Variants in KAZN observed in about 807,000 individuals in gnomAD.
The protein encoded by KAZN is kazrin.
KAZN carries 40 observed loss-of-function variants against 87.4 expected under a neutral mutation model. That is an observed-to-expected ratio of 0.46 (90% CI 0.36 to 0.60). The LOEUF (loss-of-function observed/expected upper bound fraction) is 0.60. Among genes scored for constraint, KAZN ranks in the 20% least tolerant of loss-of-function variants. The pLI is 0.00. For synonymous variants in KAZN, 466 were observed against 458.3 expected (o/e 1.02, Z -0.22); for missense variants, 898 against 1,073.9 (o/e 0.84, Z 2.29).
chr1:14,963,816 T>C lies in KAZN; in HGVS notation c.418+2941T>C, dbSNP rs187693275. 1.2e-4 allele frequency among the ~76,000 whole-genome samples: 17 copies of C among 147,706 alleles called. No individual in the cohort carries two copies. In the East Asian group the frequency reaches 3.3e-3, roughly 29 times the overall value. On this transcript the variant is annotated intron_variant, in intron 2 of 14. Transcript: ENST00000376030. ...GCCCAACAGGCCCCAGTGTGTGATGTTCCCCCTCCCTGCGTCTACATGTTC... is the reference window on the plus strand; with the variant it reads ...GCCCAACAGGCCCCAGTGTGTGATGCTCCCCCTCCCTGCGTCTACATGTTC...
chr1:15,094,273 G>C lies in KAZN; in HGVS notation c.1316G>C (p.Arg439Thr), dbSNP rs1258290308. Residue 439 changes from arginine to threonine, a missense_variant, in exon 9 of 15, where the codon AGG becomes ACG. Transcript: ENST00000376030. This position sits in a 1 kb window ranked among gnomAD's most constrained non-coding sequence, Gnocchi z 4.5. ...CGGCTGCAGCAGGTGGAGCTGGTGA[G>C]GACCACCCCTATGTCCCACTGGAAG... is the stretch of plus-strand genomic sequence containing the variant. ...MDRLQQVELVRTTPMSHWKAG... is the reference protein window; with the variant it reads ...MDRLQQVELVTTTPMSHWKAG... The C allele has an allele frequency of 6.2e-7, 1 of 1,613,876 alleles. No individual in the cohort carries two copies. The highest frequency in any genetic ancestry group is 1.3e-5 in the African/African-American group (1 of 74,946).
chr1:14,491,985 A>G (rs1485960156), intron 2 of KAZN, among the ~76,000 whole-genome samples: 1 of 152,178 alleles, frequency 6.6e-6, no homozygotes, highest in African/African-American at 2.4e-5. Context: ...ACATTTAACA[A>G]TTATCAGCCC....
chr1:14,433,485 G>A (rs571916774), intron 2 of KAZN, among the ~76,000 whole-genome samples: 1 of 152,286 alleles, frequency 6.6e-6, no homozygotes, highest in South Asian at 2.1e-4. Flanking sequence ...GGTATTAGGA[G>A]ATGGGGTTTT....
intron 1 of KAZN, among the ~76,000 whole-genome samples, chr1:14,063,841 C>T (rs966163015): frequency 1.3e-5 from 2 of 152,168 alleles, no homozygotes; most frequent in African/African-American, 4.8e-5. Context: ...AGTTCCGCGG[C>T]ATAGGCTCTC....
chr1:14,170,431 A>C (rs1455389235), intron 1 of KAZN, among the ~76,000 whole-genome samples: 2 of 152,188 alleles, frequency 1.3e-5, no homozygotes, highest in African/African-American at 4.8e-5. Flanking sequence ...GACAAATCCC[A>C]GTGGTAGGGT....
intron 1 of KAZN, among the ~76,000 whole-genome samples, chr1:14,758,161 C>CCT (rs1557459253): frequency 9.5e-6 from 1 of 104,910 alleles, no homozygotes. Context: ...CTTCCTCCCT[C>CCT]CCTCCCTCCA....
intron 2 of KAZN, among the ~76,000 whole-genome samples, chr1:14,513,470 G>A (rs539574908): frequency 3.3e-5 from 5 of 152,224 alleles, no homozygotes; most frequent in African/African-American, 1.2e-4. Context: ...TTATGTGTAC[G>A]AGTGTTTCTG....
intron 2 of KAZN, among the ~76,000 whole-genome samples, chr1:14,393,388 A>C (rs1257442093): frequency 6.6e-6 from 1 of 152,240 alleles, no homozygotes; most frequent in African/African-American, 2.4e-5. Context: ...GAATAAAAGC[A>C]TAAAATAAAA....
intron 2 of KAZN, among the ~76,000 whole-genome samples, chr1:14,300,063 G>C (rs141786737): frequency 6.6e-6 from 1 of 152,196 alleles, no homozygotes; most frequent in Non-Finnish European, 1.5e-5. Flanking sequence ...ACTTGGAAGA[G>C]AGTCTCACAA....
At chr1:15,075,664 C>A (rs58065494) in intron 8 of KAZN, among the ~76,000 whole-genome samples, 5,960 of 152,182 alleles carry the variant, frequency 0.039, 273 homozygotes, top group African/African-American at 0.11. Flanking sequence ...TGACAGACAC[C>A]AGGTCAGGTG....
At chr1:13,972,276 CTTTT>C (rs546200121) in intron 1 of KAZN, among the ~76,000 whole-genome samples, 2 of 141,192 alleles carry the variant, frequency 1.4e-5, no homozygotes, top group Non-Finnish European at 3.1e-5. Context: ...TTTTTCTTTT[CTTTT>C]TTTTTTTTTT....
intron 1 of KAZN, among the ~76,000 whole-genome samples, chr1:13,941,789 A>G (rs1384713138): frequency 6.6e-6 from 1 of 152,036 alleles, no homozygotes; most frequent in Non-Finnish European, 1.5e-5. Context: ...CAACAACAAA[A>G]CTCATGTGTG....
At chr1:14,556,091 G>T (rs989521377) in intron 2 of KAZN, among the ~76,000 whole-genome samples, 1 of 151,502 alleles carries the variant, frequency 6.6e-6, no homozygotes, top group Non-Finnish European at 1.5e-5. Context: ...GGCTCTTTTC[G>T]GGAGAAGAGC....
At chr1:14,878,997 T>C (rs1477022742) in intron 1 of KAZN, among the ~76,000 whole-genome samples, 2 of 152,240 alleles carry the variant, frequency 1.3e-5, no homozygotes, top group East Asian at 1.9e-4. Flanking sequence ...AAGGTAATCT[T>C]CTTGCGGATC....
chr1:15,064,825 C>T (rs1160047930), intron 7 of KAZN, among the ~76,000 whole-genome samples: 1 of 152,232 alleles, frequency 6.6e-6, no homozygotes, highest in Non-Finnish European at 1.5e-5. Context: ...GGCCACCCTT[C>T]CTCCCTGTGG....
At chr1:15,088,955 A>G (rs1022622006) in intron 8 of KAZN, among the ~76,000 whole-genome samples, 1 of 152,024 alleles carries the variant, frequency 6.6e-6, no homozygotes, top group South Asian at 2.1e-4. Flanking sequence ...CACTACAGAA[A>G]ATAAATAACC....
chr1:14,928,115 C>T (rs1659368979), intron 1 of KAZN, among the ~76,000 whole-genome samples: 1 of 152,208 alleles, frequency 6.6e-6, no homozygotes, highest in African/African-American at 2.4e-5. Flanking sequence ...GACCGTAGAC[C>T]TCAGCAGTAT....
At chr1:14,282,275 A>G (rs1397677500) in intron 2 of KAZN, among the ~76,000 whole-genome samples, 1 of 152,200 alleles carries the variant, frequency 6.6e-6, no homozygotes, top group African/African-American at 2.4e-5. Context: ...TGCTTGGAAC[A>G]GCTTACAATA....
chr1:15,090,000 G>A (rs144883004), intron 8 of KAZN, among the ~76,000 whole-genome samples: 2 of 152,276 alleles, frequency 1.3e-5, no homozygotes, highest in African/African-American at 4.8e-5. Context: ...GTGATTTCCC[G>A]GCTCTAATTC....
Sources: allele counts gnomAD v4.1 joint callset (sites outside exome capture counted in the v4.1 genomes callset), GRCh38; gene constraint gnomAD v4.1.1; non-coding constraint Gnocchi (gnomAD v3.1); transcripts MANE v1.5; gene names NCBI Gene and HGNC (gene_info 2026-07-23, HGNC 2026-07-21).